The following ANAPC1 variants were observed in gnomAD, a reference collection of about 807,000 sequenced individuals.
The protein encoded by ANAPC1 is anaphase-promoting complex subunit 1.
A neutral mutation model predicts 208.0 loss-of-function variants in ANAPC1; 36 were observed. The observed-to-expected ratio is 0.17, with a 90% CI of 0.13 to 0.23. The LOEUF (loss-of-function observed/expected upper bound fraction) is 0.23. ANAPC1 is among the 10% of genes least tolerant of loss of function. The pLI is 1.00. For missense variants in ANAPC1, 942 were observed against 2,011.6 expected, an observed-to-expected ratio of 0.47 and a Z score of 10.17; for synonymous variants, 378 against 695.2, an observed-to-expected ratio of 0.54 and a Z score of 7.18.
At chr2:111,842,410 G>C (rs1680812210) in intron 17 of ANAPC1, among the ~76,000 whole-genome samples, 1 of 152,056 alleles carries the variant, frequency 6.6e-6, no homozygotes, top group Non-Finnish European at 1.5e-5. Flanking sequence ...TTGGGAGGCT[G>C]AGACGGGCAG....
intron 18 of ANAPC1, among the ~76,000 whole-genome samples, chr2:111,835,644 C>T (rs565597509): frequency 1.6e-4 from 24 of 152,200 alleles, no homozygotes; most frequent in African/African-American, 5.8e-4. Flanking sequence ...CACGACCTTC[C>T]TGGCTAACAC....
At position 111,854,898 on chromosome 2, in the gene ANAPC1, C is replaced by CT. The variant is rs560634732; in HGVS notation, c.1515+1715dup. ...AGTTGCCATGTTCACTGAAATAGCA[C>CT]TTTTAATTTCCTTCGAGAGCTTTTC... On this transcript the variant is annotated intron_variant, in intron 13 of 47. Coordinates refer to ENST00000341068, the MANE Select transcript of ANAPC1 (RefSeq NM_022662.4). Among the ~76,000 whole-genome samples, 45 of 152,278 alleles carry CT rather than the reference C, an allele frequency of 3.0e-4. No homozygotes were observed. In the East Asian group the frequency reaches 8.5e-3, roughly 29 times the overall value.
At position 111,827,253 on chromosome 2, in the gene ANAPC1, G is replaced by A. The variant is rs374945546; in HGVS notation, c.2626-1398C>T. On this transcript the variant is annotated intron_variant, in intron 21 of 47. Coordinates refer to ENST00000341068, the MANE Select transcript of ANAPC1 (RefSeq NM_022662.4). The stretch of plus-strand genomic sequence containing the variant: ...AGGAAAAGAAAAAGATAACACAAAG[G>A]AAAAAGTCTCTCAAAAGAGTTAAAA... 5.3e-5 allele frequency among the ~76,000 whole-genome samples: 8 copies of A among 152,176 alleles called. No individual in the cohort carries two copies. The East Asian group carries it at 9.6e-4, about 18-fold the overall frequency.
chr2:111,852,987 CA>C (rs138238351), intron 13 of ANAPC1, among the ~76,000 whole-genome samples: 28,284 of 150,604 alleles, frequency 0.19, 2,944 homozygotes, highest in Middle Eastern at 0.3. Context: ...GATACTGTAT[CA>C]AAAAAAAAGA....
intron 7 of ANAPC1, chr2:111,866,229 C>T (rs970466000): frequency 2.8e-5 from 9 of 322,196 alleles, no homozygotes; most frequent in Admixed American, 3.6e-5. Flanking sequence ...ATTCATCATT[C>T]GAAATGTGGT....
chr2:111,839,142 C>A (rs1680628732), intron 17 of ANAPC1, among the ~76,000 whole-genome samples: 1 of 152,174 alleles, frequency 6.6e-6, no homozygotes, highest in Non-Finnish European at 1.5e-5. Context: ...AGGCTCTTTG[C>A]CCCTTCCACC....
At chr2:111,830,103 A>G (rs1367034831) in intron 21 of ANAPC1, among the ~76,000 whole-genome samples, 2 of 152,158 alleles carry the variant, frequency 1.3e-5, no homozygotes, top group Non-Finnish European at 2.9e-5. Context: ...CAGTATGAAA[A>G]GGCAAGAAGA....
chr2:111,767,303 T>G (rs1676498075), downstream of ANAPC1, among the ~76,000 whole-genome samples: 1 of 151,598 alleles, frequency 6.6e-6, no homozygotes, highest in African/African-American at 2.4e-5. Context: ...CCAAAACACT[T>G]AACAGCCAAA....
At chr2:111,837,975 T>A (rs1241391771) in intron 18 of ANAPC1, among the ~76,000 whole-genome samples, 1 of 150,932 alleles carries the variant, frequency 6.6e-6, no homozygotes, top group Non-Finnish European at 1.5e-5. Flanking sequence ...ATCCCAGCTA[T>A]TCAGGAGGCT....
intron 1 of ANAPC1, among the ~76,000 whole-genome samples, chr2:111,882,892 G>C (rs1683386774): frequency 6.6e-6 from 1 of 152,070 alleles, no homozygotes. Context: ...AAGGGGCAGG[G>C]CGTGGTGGCT....
intron 13 of ANAPC1, among the ~76,000 whole-genome samples, chr2:111,853,830 C>T (rs964327227): frequency 3.9e-5 from 6 of 152,090 alleles, no homozygotes; most frequent in Admixed American, 2.6e-4. Context: ...CAGTCTCCTG[C>T]CTCAGCCTCC....
chr2:111,878,053 G>C (rs1683107432), intron 3 of ANAPC1, among the ~76,000 whole-genome samples: 5 of 152,154 alleles, frequency 3.3e-5, no homozygotes, highest in Non-Finnish European at 1.5e-5. Flanking sequence ...TTGAGGTGGA[G>C]ACTGACAAAT....
At chr2:111,802,229 T>C (rs1678477696) in intron 33 of ANAPC1, among the ~76,000 whole-genome samples, 199 bp downstream of exon 33, 1 of 152,242 alleles carries the variant, frequency 6.6e-6, no homozygotes. Context: ...AAGACATTTA[T>C]GTTTGCCATT....
At chr2:111,790,096 GA>G (rs1220029104) in intron 38 of ANAPC1, among the ~76,000 whole-genome samples, 1 of 152,246 alleles carries the variant, frequency 6.6e-6, no homozygotes, top group Non-Finnish European at 1.5e-5. Flanking sequence ...AAGAAGAGGG[GA>G]AAATTAGCCT....
At chr2:111,788,423 C>T in intron 38 of ANAPC1, 103 bp from the exon 39 acceptor site, 1 of 1,446,056 alleles carries the variant, frequency 6.9e-7, no homozygotes, top group Non-Finnish European at 9.4e-7. Flanking sequence ...GTAAGGCATA[C>T]TGATAAGATG....
At chr2:111,816,359 C>G (rs1397124741) in intron 27 of ANAPC1, among the ~76,000 whole-genome samples, 1 of 150,724 alleles carries the variant, frequency 6.6e-6, no homozygotes, top group South Asian at 2.1e-4. Context: ...TTCTCTCTCT[C>G]TCTATATATA....
intron 16 of ANAPC1, among the ~76,000 whole-genome samples, chr2:111,846,921 C>T (rs191144037): frequency 7.4e-4 from 112 of 152,184 alleles, no homozygotes; most frequent in Non-Finnish European, 1.4e-3. Flanking sequence ...AGAAGAACCT[C>T]AGGGAACAGA....
chr2:111,828,326 G>T (rs1679947114), intron 21 of ANAPC1, among the ~76,000 whole-genome samples: 2 of 152,160 alleles, frequency 1.3e-5, no homozygotes, highest in African/African-American at 4.8e-5. Flanking sequence ...CCTTCCTCTT[G>T]CATTGCTGAT....
Position 111,847,170 on chromosome 2 carries a change from A to T in ANAPC1, c.1820T>A (p.Ile607Asn), listed in dbSNP as rs751817199. The change falls in exon 16 of 48, where the codon ATC (isoleucine) becomes AAC (asparagine). Residue 607 changes from isoleucine (I) to asparagine (N), a missense_variant. By Grantham distance (149) the Ile-to-Asn change is moderately radical (BLOSUM62 -3). Transcript: ENST00000341068. ...LELSNGSMVR[I>N]TIPEIATSEL... ...AGAGGTGGCAATTTCAGGAATAGTG[A>T]TCCTAACCATGGAGCCATTACTCAG... The T allele has an allele frequency of 1.2e-6, 2 of 1,611,028 alleles. No individual in the cohort carries two copies. Among genetic ancestry groups the T allele is most frequent in the East Asian group, 4.5e-5 (2 of 44,798 alleles).
Sources: gnomAD v4.1 joint callset for allele counts (sites outside exome capture counted in the v4.1 genomes callset) on GRCh38, gnomAD v4.1.1 for gene constraint, MANE v1.5 for transcripts, NCBI Gene and HGNC (gene_info 2026-07-23, HGNC 2026-07-21) for gene names.